Variants in SIGLECL1 observed in about 807,000 individuals in gnomAD.
The protein encoded by SIGLECL1 is SIGLEC family-like protein 1.
In SIGLECL1, 16 loss-of-function variants were observed where a neutral mutation model predicts 19.1. The ratio of observed to expected loss-of-function variants is 0.84; its 90% CI spans 0.57 to 1.27. SIGLECL1 has a LOEUF of 1.27. Among genes scored for constraint, SIGLECL1 ranks in the 50% most tolerant of loss-of-function variants. SIGLECL1 has a pLI of 0.00. For synonymous variants in SIGLECL1, 89 were observed against 90.4 expected (o/e 0.98, Z 0.09); for missense variants, 210 against 239.4 (o/e 0.88, Z 0.81).
rs1982451660 is a variant in SIGLECL1, at chr19:51,251,095, T to C, written c.-641T>C. Reference sequence around the variant, plus strand: ...GCGGGTGGATGCACTCACCTAAGGATGCGAGCTAGCAGGTCTTGCAGCGGC... The same window carrying C: ...GCGGGTGGATGCACTCACCTAAGGACGCGAGCTAGCAGGTCTTGCAGCGGC... On this transcript the variant is annotated 5_prime_UTR_variant, in exon 1 of 6. The change abolishes an upstream ATG in the 5' untranslated region. Transcript: ENST00000601727. 1 of 152,244 alleles carries C rather than the reference T, an allele frequency of 6.6e-6. No homozygotes were observed. The highest frequency in any genetic ancestry group is 2.4e-5 in the African/African-American group (1 of 41,450). The allele number at this position is 152,244 out of a possible 1,614,324, so 9.4% of individuals were successfully genotyped here.
chr19:51,249,803 C>T (rs10408172), upstream of SIGLECL1, among the ~76,000 whole-genome samples: 11,619 of 152,088 alleles, frequency 0.076, 1,454 homozygotes, highest in African/African-American at 0.27. Flanking sequence ...CATAGAGTAA[C>T]GTGGAAGCAA....
At chr19:51,259,841 C>G (rs1207659439) in intron 1 of SIGLECL1, among the ~76,000 whole-genome samples, 2 of 152,190 alleles carry the variant, frequency 1.3e-5, no homozygotes, top group Non-Finnish European at 2.9e-5. Flanking sequence ...GCTGCGAGAT[C>G]CTATTATTAC....
chr19:51,256,607 T>G (rs4567844), intron 1 of SIGLECL1, among the ~76,000 whole-genome samples: 6,448 of 152,252 alleles, frequency 0.042, 465 homozygotes, highest in African/African-American at 0.15. Context: ...CCATGGTGAC[T>G]ATGGTAAATA....
chr19:51,265,215 G>A (rs1983549351), intron 2 of SIGLECL1, among the ~76,000 whole-genome samples, 153 bp from the exon 3 acceptor site: 1 of 152,148 alleles, frequency 6.6e-6, no homozygotes, highest in Admixed American at 6.5e-5. Context: ...AAGATAGAGG[G>A]GAACTGGTCT....
chr19:51,253,388 A>AAAG, intron 1 of SIGLECL1, among the ~76,000 whole-genome samples: 1 of 151,950 alleles, frequency 6.6e-6, no homozygotes, highest in East Asian at 1.9e-4. Flanking sequence ...ATTTAAAAAA[A>AAAG]AGAGAGAGAG....
chr19:51,266,009 A>G (rs923285056), intron 4 of SIGLECL1, 127 bp downstream of exon 4: 3 of 878,054 alleles, frequency 3.4e-6, no homozygotes, highest in Non-Finnish European at 5.4e-6. Flanking sequence ...AGAGGGAAAG[A>G]TGTACCAAAC....
chr19:51,266,580 C>T (rs1203507520), intron 4 of SIGLECL1, among the ~76,000 whole-genome samples: 1 of 151,476 alleles, frequency 6.6e-6, no homozygotes, highest in Non-Finnish European at 1.5e-5. Flanking sequence ...TAAGGGATAT[C>T]TAACCTTTGT....
At chr19:51,252,949 ACT>A (rs1394026803) in intron 1 of SIGLECL1, among the ~76,000 whole-genome samples, 3 of 151,604 alleles carry the variant, frequency 2.0e-5, no homozygotes, top group Admixed American at 2.0e-4. Context: ...ACATAGTGAG[ACT>A]CTGTCTCTAC....
At position 51,267,507 on chromosome 19, in the gene SIGLECL1, C is replaced by T. The variant is rs756616209; in HGVS notation, c.545C>T (p.Thr182Ile). The part of the protein sequence containing the change: ...PEEPGKPVVA[T>I]FSESRILEKQ... ...GAACCAGGAAAACCCGTAGTCGCCA[C>T]ATTTTCTGAGAGCCGGATATTGGTA... Residue 182 changes from threonine (T) to isoleucine (I), a missense_variant, in exon 5 of 6, where the codon ACA (threonine) becomes ATA (isoleucine). Thr to Ile is a moderately conservative substitution (Grantham distance 89). Coordinates refer to ENST00000601727, the MANE Select transcript of SIGLECL1 (RefSeq NM_001385465.1). 1.2e-6 allele frequency: 2 copies of T among 1,614,196 alleles called. No homozygotes were observed. The highest frequency in any genetic ancestry group is 1.1e-5 in the South Asian group (1 of 91,084).
intron 1 of SIGLECL1, among the ~76,000 whole-genome samples, chr19:51,258,107 T>C (rs1982940628): frequency 6.6e-6 from 1 of 152,212 alleles, no homozygotes; most frequent in South Asian, 2.1e-4. Context: ...GTATAACAGC[T>C]TTCAGTGAAT....
At chr19:51,267,028 C>T (rs1247281246) in intron 4 of SIGLECL1, among the ~76,000 whole-genome samples, 1 of 152,142 alleles carries the variant, frequency 6.6e-6, no homozygotes, top group African/African-American at 2.4e-5. Flanking sequence ...TTGGGCATGG[C>T]TGGCTATGGG....
chr19:51,247,497 C>A (rs1465866527), upstream of SIGLECL1, among the ~76,000 whole-genome samples: 1 of 151,992 alleles, frequency 6.6e-6, no homozygotes, highest in Non-Finnish European at 1.5e-5. Context: ...TGGCTCACTG[C>A]AACCTCCACC....
At chr19:51,261,073 T>G (rs752756447) in intron 1 of SIGLECL1, among the ~76,000 whole-genome samples, 6 of 152,216 alleles carry the variant, frequency 3.9e-5, no homozygotes, top group Non-Finnish European at 7.3e-5. Flanking sequence ...ATTTTTTGCT[T>G]TATATATTTT....
chr19:51,255,792 T>C (rs1982766816), intron 1 of SIGLECL1: 2 of 152,126 alleles, frequency 1.3e-5, no homozygotes, highest in East Asian at 1.9e-4. Context: ...ATAGCAAGTG[T>C]TGATGAGGAT....
upstream of SIGLECL1, among the ~76,000 whole-genome samples, chr19:51,250,797 A>G (rs1452778335): frequency 6.6e-6 from 1 of 152,152 alleles, no homozygotes; most frequent in Non-Finnish European, 1.5e-5. Context: ...TTGGGCACAA[A>G]GGTTGGAGGA....
chr19:51,265,972 C>T (rs567307369), intron 4 of SIGLECL1, 90 bp downstream of exon 4: 1 of 1,311,038 alleles, frequency 7.6e-7, no homozygotes, highest in African/African-American at 1.5e-5. Flanking sequence ...AGACAGGACC[C>T]CTCCCCTCAA....
chr19:51,250,608 C>T (rs189619016), upstream of SIGLECL1, among the ~76,000 whole-genome samples: 30 of 152,090 alleles, frequency 2.0e-4, 2 homozygotes, highest in Admixed American at 7.2e-4. Context: ...AAGTGCGTGA[C>T]GGATAAAGTG....
chr19:51,246,697 T>C (rs1982270593), upstream of SIGLECL1, among the ~76,000 whole-genome samples: 1 of 151,986 alleles, frequency 6.6e-6, no homozygotes, highest in Non-Finnish European at 1.5e-5. Context: ...AACAAGATAA[T>C]GAAGGAATTC....
chr19:51,254,740 T>G (rs1360251895), intron 1 of SIGLECL1, among the ~76,000 whole-genome samples: 1 of 152,158 alleles, frequency 6.6e-6, no homozygotes, highest in Non-Finnish European at 1.5e-5. Context: ...CTGCATATCT[T>G]TATGAATATA....
Sources: gnomAD v4.1 joint callset for allele counts (sites outside exome capture counted in the v4.1 genomes callset) on GRCh38, gnomAD v4.1.1 for gene constraint, MANE v1.5 for transcripts, NCBI Gene and HGNC (gene_info 2026-07-23, HGNC 2026-07-21) for gene names.